The following PACRG variants were observed in gnomAD, a reference collection of about 807,000 sequenced individuals.
The protein encoded by PACRG is parkin coregulated, also known as parkin coregulated gene protein.
Under a neutral mutation model 29.7 loss-of-function variants are expected in PACRG, and 29 were observed. That is an observed-to-expected ratio of 0.98 (90% CI 0.73 to 1.33). The LOEUF is 1.33. Ranked by LOEUF, PACRG falls within the 40% of genes most tolerant of loss-of-function variation. The pLI is 0.00. For synonymous variants in PACRG, 116 were observed against 118.7 expected, an observed-to-expected ratio of 0.98 and a Z score of 0.15; for missense variants, 279 against 316.2, an observed-to-expected ratio of 0.88 and a Z score of 0.89.
At chr6:162,967,607 C>G (rs199784182) in intron 2 of PACRG, among the ~76,000 whole-genome samples, 1 of 151,462 alleles carries the variant, frequency 6.6e-6, no homozygotes, top group Non-Finnish European at 1.5e-5. Context: ...CCCGGTTTCA[C>G]GCCATTCTCC....
chr6:162,832,828 A>AT (rs1788902411), intron 2 of PACRG, among the ~76,000 whole-genome samples: 6 of 140,142 alleles, frequency 4.3e-5, no homozygotes, highest in Non-Finnish European at 9.4e-5. Flanking sequence ...TTTTTTTTTC[A>AT]TTTTTTTGCC....
chr6:163,239,613 C>T (rs903479694), intron 4 of PACRG, among the ~76,000 whole-genome samples: 7 of 151,794 alleles, frequency 4.6e-5, no homozygotes, highest in Non-Finnish European at 1.0e-4. Flanking sequence ...GCACAGCTGG[C>T]TGTTCATTGC....
intron 2 of PACRG, among the ~76,000 whole-genome samples, chr6:162,860,199 A>G (rs1459003700): frequency 6.6e-6 from 1 of 152,246 alleles, no homozygotes; most frequent in African/African-American, 2.4e-5. Flanking sequence ...TCAAGAGGAT[A>G]ACTAAAGAAA....
At chr6:163,045,028 T>C (rs1219649661) in intron 2 of PACRG, among the ~76,000 whole-genome samples, 1 of 152,216 alleles carries the variant, frequency 6.6e-6, no homozygotes, top group African/African-American at 2.4e-5. Context: ...TTTTGGTGCC[T>C]GGAGTATCTC....
intron 1 of PACRG, among the ~76,000 whole-genome samples, chr6:162,792,365 G>A (rs745855626): frequency 1.3e-5 from 2 of 152,138 alleles, no homozygotes; most frequent in African/African-American, 4.8e-5. Context: ...ATTTTATAGC[G>A]AAAGTTTCAG....
chr6:162,832,129 G>T (rs1436602413), intron 2 of PACRG, among the ~76,000 whole-genome samples: 1 of 152,210 alleles, frequency 6.6e-6, no homozygotes, highest in East Asian at 1.9e-4. Context: ...CATAAACAGT[G>T]TAAAAGCGTT....
intron 3 of PACRG, among the ~76,000 whole-genome samples, chr6:163,070,042 A>C (rs547344446): frequency 1.3e-5 from 2 of 152,218 alleles, no homozygotes; most frequent in South Asian, 4.1e-4. Flanking sequence ...AAAAACTTTT[A>C]ACCTGTAATA....
chr6:163,169,446 A>C (rs1232172993), intron 4 of PACRG, among the ~76,000 whole-genome samples: 1 of 152,234 alleles, frequency 6.6e-6, no homozygotes, highest in East Asian at 1.9e-4. Context: ...GAAAGAACAA[A>C]GATACCACTG....
chr6:162,870,847 G>A (rs1421614391), intron 2 of PACRG, among the ~76,000 whole-genome samples: 2 of 152,092 alleles, frequency 1.3e-5, no homozygotes, highest in Non-Finnish European at 2.9e-5. Flanking sequence ...AAATAGCTGC[G>A]TTGATAGCTC....
chr6:163,224,509 TAGAG>T, intron 4 of PACRG, among the ~76,000 whole-genome samples: 1 of 150,030 alleles, frequency 6.7e-6, no homozygotes, highest in Non-Finnish European at 1.5e-5. Context: ...TAGAACAGAA[TAGAG>T]AGGCCAAAAA....
At chr6:163,135,659 G>T (rs1039977110) in intron 4 of PACRG, among the ~76,000 whole-genome samples, 13 of 152,112 alleles carry the variant, frequency 8.5e-5, no homozygotes, top group Non-Finnish European at 1.6e-4. Flanking sequence ...TGATTTTAAG[G>T]TAAATACCTA....
chr6:163,247,177 A>AT (rs1298146687), intron 4 of PACRG, among the ~76,000 whole-genome samples: 1 of 152,218 alleles, frequency 6.6e-6, no homozygotes, highest in African/African-American at 2.4e-5. Flanking sequence ...CATAACCAGC[A>AT]TTTTTTATTG....
At chr6:162,772,095 G>A (rs896670565) in intron 1 of PACRG, among the ~76,000 whole-genome samples, 1 of 152,106 alleles carries the variant, frequency 6.6e-6, no homozygotes, top group African/African-American at 2.4e-5. Flanking sequence ...TCACAAAGAG[G>A]GAGAAAACAG....
At chr6:162,927,867 GAA>G (rs1797565523) in intron 2 of PACRG, among the ~76,000 whole-genome samples, 1 of 152,036 alleles carries the variant, frequency 6.6e-6, no homozygotes, top group Admixed American at 6.6e-5. Context: ...TGGGATGAAT[GAA>G]ACTGGATCGT....
chr6:162,912,525 A>G (rs1796373003), intron 2 of PACRG, among the ~76,000 whole-genome samples: 1 of 151,848 alleles, frequency 6.6e-6, no homozygotes, highest in Non-Finnish European at 1.5e-5. Flanking sequence ...TGTATACACT[A>G]TGATACATTC....
intron 2 of PACRG, among the ~76,000 whole-genome samples, chr6:162,947,579 TAATC>T (rs377330655): frequency 4.6e-5 from 2 of 43,322 alleles, no homozygotes; most frequent in South Asian, 7.7e-4. Context: ...TACTCATATA[TAATC>T]ATATATATAA....
At chr6:163,298,693 A>G (rs1294693846) in intron 4 of PACRG, among the ~76,000 whole-genome samples, 1 of 152,240 alleles carries the variant, frequency 6.6e-6, no homozygotes, top group East Asian at 1.9e-4. Context: ...CTTCCACTCC[A>G]TAGCTATTAA....
intron 1 of PACRG, among the ~76,000 whole-genome samples, chr6:162,756,896 T>C (rs1216139747): frequency 1.3e-5 from 2 of 152,164 alleles, no homozygotes; most frequent in Non-Finnish European, 2.9e-5. Flanking sequence ...ACAACTTTCC[T>C]ATAATTGCAT....
At chr6:163,201,485 G>A (rs555115188) in intron 4 of PACRG, among the ~76,000 whole-genome samples, 1 of 152,320 alleles carries the variant, frequency 6.6e-6, no homozygotes, top group African/African-American at 2.4e-5. Flanking sequence ...CTCAGGAATC[G>A]GGCTGTGTGG....
Sources: gnomAD v4.1 joint callset for allele counts (sites outside exome capture counted in the v4.1 genomes callset) on GRCh38, gnomAD v4.1.1 for gene constraint, MANE v1.5 for transcripts, NCBI Gene and HGNC (gene_info 2026-07-23, HGNC 2026-07-21) for gene names.